The following ZFAT variants were observed in gnomAD, a reference collection of about 807,000 sequenced individuals.
ZFAT encodes the protein zinc finger protein ZFAT.
A neutral mutation model predicts 117.7 loss-of-function variants in ZFAT; 64 were observed. The observed-to-expected ratio is 0.54, with a 90% confidence interval of 0.44 to 0.67. ZFAT has a LOEUF of 0.67. Ranked by LOEUF, ZFAT falls within the 30% of genes least tolerant of loss-of-function variation. ZFAT has a pLI of 0.00. For missense variants in ZFAT, 1,433 were observed against 1,584.5 expected (o/e 0.90, Z 1.62); for synonymous variants, 679 against 615.0 (o/e 1.10, Z -1.54).
At chr8:134,497,494 T>C (rs559946615) in intron 15 of ZFAT, among the ~76,000 whole-genome samples, 11 of 105,676 alleles carry the variant, frequency 1.0e-4, no homozygotes, top group African/African-American at 4.0e-4. Context: ...TTTGGTAGGG[T>C]TGGGGTGGAG....
intron 1 of ZFAT, among the ~76,000 whole-genome samples, chr8:134,678,818 G>A (rs1832927427): frequency 6.6e-6 from 1 of 152,146 alleles, no homozygotes; most frequent in Non-Finnish European, 1.5e-5. Context: ...TGACAAACCT[G>A]ACAAAAACAA....
the ZFAT span, among the ~76,000 whole-genome samples, chr8:134,735,693 G>A: frequency 2.6e-5 from 4 of 152,012 alleles, no homozygotes; most frequent in Middle Eastern, 3.4e-3. Flanking sequence ...TTCATTTTTT[G>A]TTTTTGTTAT....
chr8:134,633,698 C>T lies in ZFAT; in HGVS notation c.448+3763G>A, dbSNP rs12541045. 3.3e-3 allele frequency among the ~76,000 whole-genome samples: 504 copies of T among 152,326 alleles called. 11 individuals carry two copies. In the East Asian group the frequency reaches 0.037, roughly 11 times the overall value. On this transcript the variant is annotated intron_variant, in intron 3 of 15. Coordinates refer to ENST00000377838, the MANE Select transcript of ZFAT (RefSeq NM_020863.4). ...ATATGGGCTGTGTGACCAAAGCCAA[C>T]GGCTGAAACATCTGTGCCTTAGTTT...
At position 134,578,687 on chromosome 8, in the gene ZFAT, C is replaced by T. The variant is rs866136032; in HGVS notation, c.2887+5145G>A. Among the ~76,000 whole-genome samples the T allele has an allele frequency of 2.0e-5, 3 of 152,034 alleles. No individual in the cohort carries two copies. In the South Asian group the frequency reaches 6.2e-4, roughly 32 times the overall value. On this transcript the variant is annotated intron_variant, in intron 10 of 15. Transcript: ENST00000377838. ...AGGGAAAGCAGTTAGGAGGCTACTG[C>T]AAGAATGGAGGCAGGAGATGACAGT...
chr8:134,635,467 A>G (rs1830147316), intron 3 of ZFAT, among the ~76,000 whole-genome samples: 1 of 152,218 alleles, frequency 6.6e-6, no homozygotes, highest in South Asian at 2.1e-4. Flanking sequence ...GATCGGAGAG[A>G]ACTAGATTCT....
At chr8:134,830,096 C>A in the ZFAT span, among the ~76,000 whole-genome samples, 1 of 152,148 alleles carries the variant, frequency 6.6e-6, no homozygotes, top group Non-Finnish European at 1.5e-5. Flanking sequence ...ATGACCTCCA[C>A]GATGCCACCA....
the ZFAT span, among the ~76,000 whole-genome samples, chr8:134,800,073 A>G: frequency 1.3e-5 from 2 of 152,172 alleles, no homozygotes; most frequent in African/African-American, 2.4e-5. Context: ...ATGGCAACAA[A>G]TGTCTGATGT....
chr8:134,480,674 C>T (rs6983558), intron 15 of ZFAT, among the ~76,000 whole-genome samples: 18,722 of 152,258 alleles, frequency 0.12, 1,284 homozygotes, highest in Middle Eastern at 0.19. Context: ...GGAGCCATGA[C>T]TCCCAGGAGG....
chr8:134,622,619 C>A (rs1265550912), intron 3 of ZFAT, among the ~76,000 whole-genome samples: 2 of 152,080 alleles, frequency 1.3e-5, no homozygotes, highest in African/African-American at 2.4e-5. Flanking sequence ...GTCCTGCTTG[C>A]CCTTCCACGT....
intron 10 of ZFAT, among the ~76,000 whole-genome samples, chr8:134,583,192 C>A (rs940817918): frequency 6.6e-6 from 1 of 152,108 alleles, no homozygotes; most frequent in African/African-American, 2.4e-5. Context: ...CGTGGCCTGC[C>A]TGCTCTTCTG....
the ZFAT span, among the ~76,000 whole-genome samples, chr8:134,788,862 T>G: frequency 6.6e-6 from 1 of 152,162 alleles, no homozygotes; most frequent in Non-Finnish European, 1.5e-5. Context: ...TAAATCTCAT[T>G]GCCTGACAAT....
At chr8:134,560,402 C>A (rs1783990957) in intron 11 of ZFAT, among the ~76,000 whole-genome samples, 1 of 152,136 alleles carries the variant, frequency 6.6e-6, no homozygotes, top group South Asian at 2.1e-4. Context: ...AAAGAGGTAT[C>A]CTCTTTAGAT....
chr8:134,695,404 C>G (rs1833778237), intron 1 of ZFAT, among the ~76,000 whole-genome samples: 1 of 152,122 alleles, frequency 6.6e-6, no homozygotes, highest in South Asian at 2.1e-4. Flanking sequence ...GCGCCGCCCC[C>G]AGGCCCGGCC....
the ZFAT span, among the ~76,000 whole-genome samples, chr8:134,727,700 T>G: frequency 6.6e-6 from 1 of 152,152 alleles, no homozygotes; most frequent in Non-Finnish European, 1.5e-5. Flanking sequence ...AATCTTTTTC[T>G]GTAAAGGGCC....
intron 15 of ZFAT, among the ~76,000 whole-genome samples, chr8:134,505,582 T>C (rs1307055412): frequency 6.6e-6 from 1 of 151,852 alleles, no homozygotes; most frequent in Non-Finnish European, 1.5e-5. Flanking sequence ...AAAAAGGGAG[T>C]AGGAAGGCTG....
chr8:134,790,098 T>A, the ZFAT span, among the ~76,000 whole-genome samples: 3 of 152,126 alleles, frequency 2.0e-5, no homozygotes, highest in Non-Finnish European at 2.9e-5. Flanking sequence ...AGTGACCTGC[T>A]AAAGTAATTT....
chr8:134,514,720 A>C (rs535950857), intron 13 of ZFAT, among the ~76,000 whole-genome samples: 1 of 152,372 alleles, frequency 6.6e-6, no homozygotes, highest in East Asian at 1.9e-4. Flanking sequence ...GTTTATAAAA[A>C]AATTTTCAAT....
At chr8:134,792,619 C>T in the ZFAT span, 2 of 152,160 alleles carry the variant, frequency 1.3e-5, no homozygotes, top group African/African-American at 4.8e-5. Context: ...AACTCCAAGA[C>T]ATATTTGAGT....
intron 2 of ZFAT, among the ~76,000 whole-genome samples, chr8:134,640,120 C>T (rs1235007422): frequency 6.6e-6 from 1 of 152,214 alleles, no homozygotes; most frequent in Non-Finnish European, 1.5e-5. Flanking sequence ...ACACACCTCT[C>T]TCCCTTTAAC....
Sources: gnomAD v4.1 joint callset for allele counts (sites outside exome capture counted in the v4.1 genomes callset) on GRCh38, gnomAD v4.1.1 for gene constraint, MANE v1.5 for transcripts, NCBI Gene and HGNC (gene_info 2026-07-23, HGNC 2026-07-21) for gene names.